Variants in WSB1 observed in about 807,000 individuals in gnomAD.
The protein encoded by WSB1 is WD repeat and SOCS box-containing protein 1.
WSB1 carries 23 observed loss-of-function variants against 50.2 expected under a neutral mutation model. The ratio of observed to expected loss-of-function variants is 0.46; its 90% CI spans 0.33 to 0.65. The LOEUF (loss-of-function observed/expected upper bound fraction) is 0.65, where lower values mean the gene tolerates loss of function less well. Among genes scored for constraint, WSB1 ranks in the 30% least tolerant of loss-of-function variants. The pLI is 0.02. For synonymous variants in WSB1, 179 were observed against 172.0 expected (o/e 1.04, Z -0.32); for missense variants, 492 against 522.3 (o/e 0.94, Z 0.56).
In WSB1 at chr17:27,312,559, TATCAA is replaced by T. The variant is rs1370527030; in HGVS notation, c.*193_*197del. 1.4e-6 allele frequency: 1 copy of T among 699,432 alleles called. No individual in the cohort carries two copies. The highest frequency in any genetic ancestry group is 3.7e-5 in the Admixed American group (1 of 26,812). 43.3% of individuals were successfully genotyped at this position (699,432 alleles called of 1,614,324 possible). On this transcript the variant is annotated 3_prime_UTR_variant, in exon 9 of 9. Transcript: ENST00000262394. ...TAGACAATAGAAGTATTTCTGAACA[TATCAA>T]ATATAAATTTTTTTAAAGATCTAAC...
chr17:27,307,150 G>T, intron 5 of WSB1: 1 of 415,242 alleles, frequency 2.4e-6, no homozygotes, highest in South Asian at 2.9e-5. Flanking sequence ...AAGTTTATGT[G>T]CTGTAGAAGA....
Position 27,311,632 on chromosome 17 carries a change from T to C in WSB1, c.1106+16T>C. ...TAGCTGCTGGGTAAATATATTTTTC[T>C]CTTTTTTTTTTTTTTTTTTTTTTTT... On this transcript the variant is annotated intron_variant, in intron 8 of 8. Transcript: ENST00000262394. 8.9e-7 allele frequency: 1 copy of C among 1,118,754 alleles called. No homozygotes were observed. Among genetic ancestry groups the C allele is most frequent in the Non-Finnish European group, 1.3e-6 (1 of 795,262 alleles). 69.3% of individuals were successfully genotyped at this position (1,118,754 alleles called of 1,614,324 possible). A position where few individuals can be genotyped will look rare whatever the true frequency, so the allele number is the denominator to read the frequency against.
chr17:27,311,565 G>T lies in WSB1; in HGVS notation c.1055G>T (p.Ser352Ile), dbSNP rs371644715. Residue 352 changes from serine to isoleucine, a missense_variant, in exon 8 of 9, where the codon AGC (serine) becomes ATC (isoleucine). Coordinates refer to ENST00000262394, the MANE Select transcript of WSB1 (RefSeq NM_015626.10). ...TATCCAGTGCAAGTTGCACCTTTGA[G>T]CAATGGTCTTTGCTGTGCCTTCTCT... Reference protein sequence around the residue: ...EDYPVQVAPLSNGLCCAFSTD... With the variant: ...EDYPVQVAPLINGLCCAFSTD... The T allele has an allele frequency of 6.2e-7, 1 of 1,611,444 alleles. No homozygotes were observed. Among genetic ancestry groups the T allele is most frequent in the East Asian group, 2.2e-5 (1 of 44,748 alleles).
At chr17:27,300,116 T>A (rs1202709931) in intron 1 of WSB1, among the ~76,000 whole-genome samples, 1 of 136,226 alleles carries the variant, frequency 7.3e-6, no homozygotes, top group African/African-American at 2.9e-5. Flanking sequence ...TGCCAGGTGC[T>A]ATACTAGCTG....
intron 4 of WSB1, 70 bp downstream of exon 4, chr17:27,304,981 A>T: frequency 6.4e-7 from 1 of 1,569,932 alleles, no homozygotes; most frequent in East Asian, 2.3e-5. Flanking sequence ...TATTGGGAAC[A>T]TGTGGGGCAT....
At chr17:27,305,964 C>T (rs539447530) in intron 4 of WSB1, among the ~76,000 whole-genome samples, 27 of 152,082 alleles carry the variant, frequency 1.8e-4, no homozygotes, top group Non-Finnish European at 2.6e-4. Context: ...TCCTCAGTGC[C>T]GGCATAGGGC....
At chr17:27,303,819 T>A (rs1187326733) in intron 3 of WSB1, 184 bp downstream of exon 3, 2 of 698,436 alleles carry the variant, frequency 2.9e-6, no homozygotes, top group Non-Finnish European at 4.6e-6. Flanking sequence ...TTAGGAAAAC[T>A]ATGGAGTTCA....
chr17:27,312,115 A>G (rs2017708358), intron 8 of WSB1, 95 bp from the exon 9 acceptor site: 1 of 1,483,214 alleles, frequency 6.7e-7, no homozygotes, highest in Non-Finnish European at 9.0e-7. Flanking sequence ...TTGTGACTCC[A>G]CTACTCACAT....
chr17:27,303,864 A>T, intron 3 of WSB1: 1 of 465,412 alleles, frequency 2.1e-6, no homozygotes, highest in East Asian at 3.4e-5. Context: ...GTATTACAGT[A>T]GGAAAGGGTT....
At chr17:27,311,117 G>C (rs1421443626) in intron 7 of WSB1, among the ~76,000 whole-genome samples, 1 of 152,164 alleles carries the variant, frequency 6.6e-6, no homozygotes, top group Admixed American at 6.6e-5. Flanking sequence ...CTCCCAAAGT[G>C]GTGGGATTAT....
chr17:27,294,549 G>C (rs1418311726), intron 1 of WSB1, 114 bp downstream of exon 1: 11 of 1,459,480 alleles, frequency 7.5e-6, no homozygotes, highest in Non-Finnish European at 1.0e-5. Context: ...CAGTGCGCCA[G>C]GGCCAGCCCA....
At chr17:27,304,941 G>A in intron 4 of WSB1, 30 bp downstream of exon 4, 1 of 1,612,262 alleles carries the variant, frequency 6.2e-7, no homozygotes, top group Non-Finnish European at 8.5e-7. Context: ...TATGAACTAG[G>A]ATTTGTTTCT....
At chr17:27,307,613 T>TTTATA in intron 5 of WSB1, 1 of 867,268 alleles carries the variant, frequency 1.2e-6, no homozygotes, top group East Asian at 2.9e-5. Context: ...ATGATAGTTA[T>TTTATA]AAATGTTGGA....
intron 7 of WSB1, 99 bp downstream of exon 7, chr17:27,310,273 C>T: frequency 1.0e-6 from 1 of 999,064 alleles, no homozygotes; most frequent in South Asian, 1.4e-5. Flanking sequence ...GTCTCTTCCT[C>T]AACACAAGCC....
At chr17:27,311,470 A>T in intron 7 of WSB1, 39 bp from the exon 8 acceptor site, 2 of 1,543,232 alleles carry the variant, frequency 1.3e-6, no homozygotes, top group Non-Finnish European at 1.7e-6. Context: ...TTTACCTTAC[A>T]TTTTCTACAA....
chr17:27,301,812 T>A lies in WSB1; in HGVS notation c.65T>A (p.Leu22His). 1 of 1,614,156 alleles carries A rather than the reference T, an allele frequency of 6.2e-7. No individual in the cohort carries two copies. Among genetic ancestry groups the A allele is most frequent in the Non-Finnish European group, 8.5e-7 (1 of 1,180,002 alleles). Residue 22 changes from leucine (L) to histidine (H), a missense_variant, in exon 2 of 9, where the codon CTT becomes CAT. Transcript: ENST00000262394. ...EIVRLRTIGE[L>H]LAPAAPFDKK... Reference sequence around the variant, plus strand: ...GTGAGATTACGTACTATAGGTGAACTTTTAGCTCCTGCAGCTCCTTTTGAC... The same window carrying A: ...GTGAGATTACGTACTATAGGTGAACATTTAGCTCCTGCAGCTCCTTTTGAC...
intron 4 of WSB1, among the ~76,000 whole-genome samples, chr17:27,306,483 G>C (rs1339260043): frequency 6.6e-6 from 1 of 152,062 alleles, no homozygotes; most frequent in Non-Finnish European, 1.5e-5. Context: ...TCAAAGTGCT[G>C]GAATTACAGA....
rs776062766 is a variant in WSB1, at chr17:27,303,387, A to G, written c.230A>G (p.Asn77Ser). ...LQNFLLHGTK[N>S]VTNSSSLRLP... is the part of the protein sequence containing the mutation. ...TCCAGTCTCTTGCATGGCACCAAGA[A>G]TGTTACCAATTCAAGCAGTTTAAGA... The change falls in exon 3 of 9, where the codon AAT becomes AGT. Residue 77 changes from asparagine (N) to serine (S), a missense_variant. Transcript: ENST00000262394. 1 of 1,614,012 alleles carries G rather than the reference A, an allele frequency of 6.2e-7. No individual in the cohort carries two copies.
Position 27,301,913 on chromosome 17 carries a change from C to A in WSB1, c.166C>A (p.Arg56Ser). The A allele has an allele frequency of 6.2e-7, 1 of 1,610,854 alleles. No individual in the cohort carries two copies. The highest frequency in any genetic ancestry group is 8.5e-7 in the Non-Finnish European group (1 of 1,178,744). ...ATACTTTGCTTGGTCACAAGGACAT[C>A]GCACAGTAAAGCTTGTTCCGTGGTC... ...GSYFAWSQGH[R>S]TVKLVPWSQC... Residue 56 changes from arginine to serine, a missense_variant, in exon 2 of 9, where the codon CGC (arginine) becomes AGC (serine). Physicochemically the swap from Arg to Ser is moderately radical, Grantham distance 110. Coordinates refer to ENST00000262394, the MANE Select transcript of WSB1 (RefSeq NM_015626.10).
Sources: gnomAD v4.1 joint callset for allele counts (sites outside exome capture counted in the v4.1 genomes callset) on GRCh38, gnomAD v4.1.1 for gene constraint, MANE v1.5 for transcripts, NCBI Gene and HGNC (gene_info 2026-07-23, HGNC 2026-07-21) for gene names.